The following CNKSR3 variants were observed in gnomAD, a reference collection of about 807,000 sequenced individuals.
The protein encoded by CNKSR3 is connector enhancer of kinase suppressor of ras 3.
A neutral mutation model predicts 67.7 loss-of-function variants in CNKSR3; 36 were observed. That is an observed-to-expected ratio of 0.53 (90% CI 0.41 to 0.70). CNKSR3 has a LOEUF of 0.70. CNKSR3 is among the 30% of genes least tolerant of loss of function. The pLI is 0.00. For missense variants in CNKSR3, 630 were observed against 695.2 expected (o/e 0.91, Z 1.05); for synonymous variants, 281 against 271.4 (o/e 1.04, Z -0.35).
intron 1 of CNKSR3, among the ~76,000 whole-genome samples, chr6:154,480,431 AC>A (rs1331040780): frequency 6.6e-6 from 1 of 152,162 alleles, no homozygotes; most frequent in African/African-American, 2.4e-5. Context: ...CAGGTGGGGC[AC>A]CTGTTCTGGT....
rs972803699 is a variant in CNKSR3, at chr6:154,396,376, C to A, written c.*9978G>T. ...AAATGAGAGCCAATGTAATAAAATT[C>A]TTTATGGAATAGTCTGCAAAATGCT... On this transcript the variant is annotated 3_prime_UTR_variant, in exon 13 of 13. Transcript: ENST00000607772. The A allele has an allele frequency of 6.6e-6, 1 of 152,072 alleles. No individual in the cohort carries two copies. Among genetic ancestry groups the A allele is most frequent in the African/African-American group, 2.4e-5 (1 of 41,398 alleles). The allele number at this position is 152,072 out of a possible 1,614,324, so 9.4% of individuals were successfully genotyped here.
chr6:154,449,742 A>G (rs1270017151), intron 2 of CNKSR3, among the ~76,000 whole-genome samples: 1 of 152,226 alleles, frequency 6.6e-6, no homozygotes, highest in Non-Finnish European at 1.5e-5. Context: ...ACAAGTTAAT[A>G]AATATTTTAG....
At chr6:154,436,497 A>T (rs1292537508) in intron 4 of CNKSR3, among the ~76,000 whole-genome samples, 1 of 152,082 alleles carries the variant, frequency 6.6e-6, no homozygotes, top group Non-Finnish European at 1.5e-5. Context: ...CTCAAGGACA[A>T]ATATTGCTCA....
chr6:154,410,492 G>A (rs1784888787), intron 11 of CNKSR3, 60 bp from the exon 12 acceptor site: 12 of 1,152,998 alleles, frequency 1.0e-5, no homozygotes, highest in African/African-American at 3.0e-5. Flanking sequence ...TTAGTGAACC[G>A]TTCCCTTTAT....
rs1183074968 is a variant in CNKSR3, at chr6:154,394,318, A to G, written c.*12036T>C. ...GTTAGCCACCACACATGGCCTTATT[A>G]TTGTCACTTCTAGGCCAGGTTGGTT... is the stretch of plus-strand genomic sequence containing the variant. On this transcript the variant is annotated 3_prime_UTR_variant, in exon 13 of 13. Transcript: ENST00000607772. 6.6e-6 allele frequency: 1 copy of G among 152,090 alleles called. No homozygotes were observed. Among genetic ancestry groups the G allele is most frequent in the African/African-American group, 2.4e-5 (1 of 41,392 alleles). 9.4% of individuals were successfully genotyped at this position (152,090 alleles called of 1,614,324 possible).
chr6:154,472,124 A>G (rs1786342535), intron 1 of CNKSR3, among the ~76,000 whole-genome samples: 2 of 152,300 alleles, frequency 1.3e-5, no homozygotes, highest in Middle Eastern at 6.8e-3. Flanking sequence ...TAATGTGACA[A>G]AGTGCCTGGA....
intron 1 of CNKSR3, among the ~76,000 whole-genome samples, chr6:154,469,925 T>C (rs1786285964): frequency 6.6e-6 from 1 of 152,168 alleles, no homozygotes; most frequent in Non-Finnish European, 1.5e-5. Context: ...ATTCATGACA[T>C]ACCTTTTTCT....
At chr6:154,448,022 C>T (rs963383686) in intron 2 of CNKSR3, among the ~76,000 whole-genome samples, 1 of 151,796 alleles carries the variant, frequency 6.6e-6, no homozygotes, top group African/African-American at 2.4e-5. Context: ...CCTAAGTGAC[C>T]CCCCCTGTCC....
At position 154,485,184 on chromosome 6, in the gene CNKSR3, A is replaced by T. The variant is rs187570130; in HGVS notation, c.52+24879T>A. Among the ~76,000 whole-genome samples, 803 of 152,330 alleles carry T rather than the reference A, an allele frequency of 5.3e-3. 3 individuals carry two copies. Among genetic ancestry groups the T allele is most frequent in the African/African-American group, 0.018 (767 of 41,566 alleles). On this transcript the variant is annotated intron_variant, in intron 1 of 12. Coordinates refer to ENST00000607772, the MANE Select transcript of CNKSR3 (RefSeq NM_173515.4). The stretch of plus-strand genomic sequence containing the variant: ...AATTATGAATCACATCTCCCTACAC[A>T]GAGTTCCAAACCTATAATGTTTGGG...
At position 154,430,562 on chromosome 6, in the gene CNKSR3, T is replaced by C. The variant is rs1248551205; in HGVS notation, c.579A>G (p.Lys193=). The C allele has an allele frequency of 5.0e-6, 8 of 1,611,828 alleles. No individual in the cohort carries two copies. In the African/African-American group the frequency reaches 5.3e-5, roughly 11 times the overall value. ...CAGGATCTGTGGTAGATCGGATTGT[T>C]TTGTCACAGATGCCATTTAAAACCT... The part of the protein sequence containing the change: ...VVKVLNGICD[K]TIRSTTDPVM... The change falls in exon 6 of 13, where the codon AAA becomes AAG. Residue 193 remains lysine, a synonymous_variant. Transcript: ENST00000607772.
Position 154,399,888 on chromosome 6 carries a change from C to T in CNKSR3, c.*6466G>A, listed in dbSNP as rs1784698036. ...CTCTAACAATAAAGTTAAATCCTCC[C>T]CTTTAATGGGTCTAGTCAGTGGAAG... On this transcript the variant is annotated 3_prime_UTR_variant, in exon 13 of 13. Transcript: ENST00000607772. 6.6e-6 allele frequency: 1 copy of T among 152,090 alleles called. No homozygotes were observed. Among genetic ancestry groups the T allele is most frequent in the South Asian group, 2.1e-4 (1 of 4,828 alleles). The allele number at this position is 152,090 out of a possible 1,614,324, so 9.4% of individuals were successfully genotyped here. A position where few individuals can be genotyped will look rare whatever the true frequency, so the allele number is the denominator to read the frequency against.
intron 7 of CNKSR3, among the ~76,000 whole-genome samples, chr6:154,426,196 C>T (rs927444546): frequency 1.3e-5 from 2 of 152,134 alleles, no homozygotes; most frequent in African/African-American, 4.8e-5. Context: ...GAGACGACTT[C>T]CATACAGTCC....
At chr6:154,411,264 G>A in intron 10 of CNKSR3, 122 bp from the exon 11 acceptor site, 1 of 700,090 alleles carries the variant, frequency 1.4e-6, no homozygotes, top group Non-Finnish European at 2.4e-6. Flanking sequence ...TTCCACTGGA[G>A]GAAAAGCATT....
At position 154,397,333 on chromosome 6, in the gene CNKSR3, G is replaced by A. The variant is rs1405655057; in HGVS notation, c.*9021C>T. On this transcript the variant is annotated 3_prime_UTR_variant, in exon 13 of 13. Transcript: ENST00000607772. ...CTTACATGTTCTTCCATTTATTTAA[G>A]TGCCTTAAAAACAAAAGGAGAAGCA... is the stretch of plus-strand genomic sequence containing the variant. The A allele has an allele frequency of 6.6e-6, 1 of 152,160 alleles. No homozygotes were observed. Among genetic ancestry groups the A allele is most frequent in the East Asian group, 1.9e-4 (1 of 5,194 alleles). The allele number at this position is 152,160 out of a possible 1,614,324, so 9.4% of individuals were successfully genotyped here.
At chr6:154,435,108 GCCTC>G (rs1562330944) in intron 4 of CNKSR3, among the ~76,000 whole-genome samples, 1 of 148,646 alleles carries the variant, frequency 6.7e-6, no homozygotes, top group Non-Finnish European at 1.5e-5. Flanking sequence ...TGATCCTCCC[GCCTC>G]AGCCTCCCAA....
At chr6:154,428,692 T>A (rs974833107) in intron 6 of CNKSR3, among the ~76,000 whole-genome samples, 6 of 151,710 alleles carry the variant, frequency 4.0e-5, no homozygotes, top group East Asian at 1.9e-4. Flanking sequence ...CTAATTATTT[T>A]TTTTTTTTAA....
intron 9 of CNKSR3, among the ~76,000 whole-genome samples, chr6:154,420,042 A>T (rs896946376): frequency 1.3e-5 from 2 of 152,126 alleles, no homozygotes; most frequent in Non-Finnish European, 2.9e-5. Context: ...AGATCACGGC[A>T]CTGCACTCCA....
chr6:154,482,594 C>T (rs1786587205), intron 1 of CNKSR3, among the ~76,000 whole-genome samples: 1 of 152,072 alleles, frequency 6.6e-6, no homozygotes, highest in African/African-American at 2.4e-5. Context: ...TCAAACTGTG[C>T]AGAAATCCAT....
In CNKSR3 at chr6:154,492,745, C is replaced by CAAA. The variant is rs71268487; in HGVS notation, c.52+17315_52+17317dup. 1.8e-3 allele frequency among the ~76,000 whole-genome samples: 210 copies of CAAA among 113,750 alleles called. 1 individual carries two copies. The highest frequency in any genetic ancestry group is 4.1e-3 in the African/African-American group (133 of 32,366). 74.6% of individuals were successfully genotyped at this position (113,750 alleles called of 152,430 possible). The stretch of plus-strand genomic sequence containing the variant: ...TGGGTGACAGAGTGGGACTCTGTCT[C>CAAA]AAAAAAAAAAAAACAAAAAACAAAA... On this transcript the variant is annotated intron_variant, in intron 1 of 12. Coordinates refer to ENST00000607772, the MANE Select transcript of CNKSR3 (RefSeq NM_173515.4).
Sources: gnomAD v4.1 joint callset for allele counts (sites outside exome capture counted in the v4.1 genomes callset) on GRCh38, gnomAD v4.1.1 for gene constraint, MANE v1.5 for transcripts, NCBI Gene and HGNC (gene_info 2026-07-23, HGNC 2026-07-21) for gene names.